The following DNER variants were observed in gnomAD, a reference collection of about 807,000 sequenced individuals.
DNER encodes the protein delta and Notch-like epidermal growth factor-related receptor.
DNER carries 33 observed loss-of-function variants against 78.2 expected under a neutral mutation model. The observed-to-expected ratio is 0.42, with a 90% CI of 0.32 to 0.56. The LOEUF is 0.56. Ranked by LOEUF, DNER falls within the 20% of genes least tolerant of loss-of-function variation. DNER has a pLI of 0.11. For missense variants in DNER, 918 were observed against 975.3 expected (o/e 0.94, Z 0.78); for synonymous variants, 417 against 384.8 (o/e 1.08, Z -0.98).
chr2:229,687,263 C>CTTTT (rs555202828), intron 1 of DNER, among the ~76,000 whole-genome samples: 1 of 127,734 alleles, frequency 7.8e-6, no homozygotes, highest in African/African-American at 2.9e-5. Context: ...TTTCCAACTT[C>CTTTT]TTTTTTTTTT....
At chr2:229,546,098 T>C (rs1176243704) in intron 5 of DNER, among the ~76,000 whole-genome samples, 1 of 152,244 alleles carries the variant, frequency 6.6e-6, no homozygotes, top group Non-Finnish European at 1.5e-5. Flanking sequence ...ACAATTACTT[T>C]GAAAATCATA....
At chr2:229,367,339 G>A (rs900520867) in intron 11 of DNER, among the ~76,000 whole-genome samples, 9 of 152,154 alleles carry the variant, frequency 5.9e-5, no homozygotes, top group South Asian at 4.2e-4. Flanking sequence ...AGTGGCTGAC[G>A]GCTGTAATCC....
intron 1 of DNER, among the ~76,000 whole-genome samples, chr2:229,691,433 G>A (rs1699570111): frequency 6.6e-6 from 1 of 151,948 alleles, no homozygotes; most frequent in Admixed American, 6.6e-5. Context: ...GATTAATCAG[G>A]CTCCTGTGTT....
At chr2:229,542,040 CA>C (rs1696525960) in intron 5 of DNER, among the ~76,000 whole-genome samples, 1 of 149,204 alleles carries the variant, frequency 6.7e-6, no homozygotes, top group Non-Finnish European at 1.5e-5. Context: ...CCTGTTCCTC[CA>C]AATACAAATT....
intron 1 of DNER, among the ~76,000 whole-genome samples, chr2:229,704,697 G>A (rs1020054395): frequency 2.6e-5 from 4 of 152,366 alleles, no homozygotes; most frequent in African/African-American, 9.6e-5. Flanking sequence ...GGGGCATGAG[G>A]AAATGTATAG....
Position 229,588,497 on chromosome 2 carries a change from G to GTA in DNER, c.586-10_586-9insTA. ...GCAATATCTGGGATCACCTGGGAAGGGAAAAAAAAAACGACATATGATTGG... is the reference window on the plus strand; with the variant it reads ...GCAATATCTGGGATCACCTGGGAAGGTAGAAAAAAAAAACGACATATGATTGG... On this transcript the variant is annotated splice_polypyrimidine_tract_variant and intron_variant, in intron 2 of 12. Transcript: ENST00000341772. The GTA allele has an allele frequency of 3.1e-5, 41 of 1,334,086 alleles. No homozygotes were observed. The highest frequency in any genetic ancestry group is 5.0e-5 in the South Asian group (4 of 80,766). The allele number at this position is 1,334,086 out of a possible 1,614,324, so 82.6% of individuals were successfully genotyped here.
chr2:229,652,153 A>G (rs1698831282), intron 1 of DNER, among the ~76,000 whole-genome samples: 1 of 152,234 alleles, frequency 6.6e-6, no homozygotes, highest in South Asian at 2.1e-4. Flanking sequence ...GCAGTCAAGA[A>G]CAGTTTGAAA....
chr2:229,473,129 C>T (rs1242365192), intron 7 of DNER, among the ~76,000 whole-genome samples: 1 of 152,102 alleles, frequency 6.6e-6, no homozygotes, highest in Non-Finnish European at 1.5e-5. Context: ...TGTGTGCTGT[C>T]GAGAACTCTA....
chr2:229,680,029 A>G (rs1325431211), intron 1 of DNER, among the ~76,000 whole-genome samples: 1 of 152,228 alleles, frequency 6.6e-6, no homozygotes, highest in Non-Finnish European at 1.5e-5. Flanking sequence ...ACTGCAAAGT[A>G]CCAGAAGGTA....
intron 1 of DNER, among the ~76,000 whole-genome samples, chr2:229,615,431 C>A (rs1412499714): frequency 6.6e-6 from 1 of 151,026 alleles, no homozygotes; most frequent in African/African-American, 2.4e-5. Context: ...AAAAAAAGGC[C>A]GGGCGCGGTG....
At chr2:229,549,514 G>A (rs1487880626) in intron 4 of DNER, among the ~76,000 whole-genome samples, 1 of 152,104 alleles carries the variant, frequency 6.6e-6, no homozygotes, top group East Asian at 1.9e-4. Flanking sequence ...GGCCAGACTG[G>A]TCTTAAACTC....
At chr2:229,602,260 GA>G (rs1306179737) in intron 1 of DNER, among the ~76,000 whole-genome samples, 1 of 152,024 alleles carries the variant, frequency 6.6e-6, no homozygotes, top group Non-Finnish European at 1.5e-5. Context: ...AACCAATGCA[GA>G]AAAAACTCTT....
At chr2:229,598,468 C>T (rs896714740) in intron 1 of DNER, among the ~76,000 whole-genome samples, 11 of 152,194 alleles carry the variant, frequency 7.2e-5, no homozygotes, top group African/African-American at 2.7e-4. Flanking sequence ...CCTGAGCAGT[C>T]GGCTCATCAA....
chr2:229,526,303 T>C (rs979862143), intron 5 of DNER, among the ~76,000 whole-genome samples: 1 of 152,242 alleles, frequency 6.6e-6, no homozygotes, highest in East Asian at 1.9e-4. Flanking sequence ...TGCTCGCGTG[T>C]TCCTCTCAAA....
intron 3 of DNER, 125 bp from the exon 4 acceptor site, chr2:229,586,149 G>A: frequency 8.5e-7 from 1 of 1,179,690 alleles, no homozygotes; most frequent in Non-Finnish European, 1.2e-6. Context: ...GGAGATCGAT[G>A]GCATAAACAG....
chr2:229,388,850 C>T (rs950488357), intron 10 of DNER, among the ~76,000 whole-genome samples: 3 of 151,612 alleles, frequency 2.0e-5, no homozygotes, highest in African/African-American at 7.3e-5. Flanking sequence ...TCTGAAACTC[C>T]AGAAAGCTGA....
At chr2:229,385,359 A>G (rs970324946) in intron 11 of DNER, among the ~76,000 whole-genome samples, 1 of 152,198 alleles carries the variant, frequency 6.6e-6, no homozygotes. Context: ...ACCCACAGCC[A>G]GTATCATACT....
At chr2:229,576,205 A>T (rs776503644) in intron 4 of DNER, among the ~76,000 whole-genome samples, 1 of 152,130 alleles carries the variant, frequency 6.6e-6, no homozygotes, top group Non-Finnish European at 1.5e-5. Context: ...GAAAGATGTT[A>T]ATGATTCTAT....
chr2:229,692,506 G>T (rs1316545803), intron 1 of DNER, among the ~76,000 whole-genome samples: 1 of 152,174 alleles, frequency 6.6e-6, no homozygotes, highest in Non-Finnish European at 1.5e-5. Context: ...TATGCAAGTT[G>T]ATTACCATTT....
Sources: allele counts gnomAD v4.1 joint callset (sites outside exome capture counted in the v4.1 genomes callset), GRCh38; gene constraint gnomAD v4.1.1; transcripts MANE v1.5; gene names NCBI Gene and HGNC (gene_info 2026-07-23, HGNC 2026-07-21).